MCCC2: variants seen among roughly 807,000 people sequenced by gnomAD.
The protein encoded by MCCC2 is methylcrotonoyl-CoA carboxylase beta chain, mitochondrial.
MCCC2 carries 52 observed loss-of-function variants against 77.2 expected under a neutral mutation model. The ratio of observed to expected loss-of-function variants is 0.67; its 90% CI spans 0.54 to 0.85. The LOEUF (loss-of-function observed/expected upper bound fraction) is 0.85. MCCC2 is among the 40% of genes least tolerant of loss of function. The pLI is 0.00. For missense variants in MCCC2, 682 were observed against 703.2 expected (o/e 0.97, Z 0.34); for synonymous variants, 253 against 248.4 (o/e 1.02, Z -0.18).
chr5:71,621,805 A>G (rs1017455973), intron 6 of MCCC2, among the ~76,000 whole-genome samples: 4 of 152,186 alleles, frequency 2.6e-5, no homozygotes, highest in Non-Finnish European at 5.9e-5. Flanking sequence ...AAAAAAAGAA[A>G]GAATGAGTAA....
At chr5:71,608,884 T>G (rs1745799776) in intron 6 of MCCC2, among the ~76,000 whole-genome samples, 1 of 152,210 alleles carries the variant, frequency 6.6e-6, no homozygotes, top group Non-Finnish European at 1.5e-5. Flanking sequence ...TTTAAGAATG[T>G]TGAATATTGG....
intron 6 of MCCC2, among the ~76,000 whole-genome samples, chr5:71,605,593 T>C (rs1745638709): frequency 6.6e-6 from 1 of 150,596 alleles, no homozygotes; most frequent in South Asian, 2.1e-4. Context: ...TTAGATCCCA[T>C]TTGTCAATTT....
chr5:71,610,224 C>A (rs1032867674), intron 6 of MCCC2, among the ~76,000 whole-genome samples: 2 of 152,218 alleles, frequency 1.3e-5, no homozygotes, highest in Non-Finnish European at 2.9e-5. Flanking sequence ...AGCGAGACTC[C>A]GTGGGCGTAG....
intron 10 of MCCC2, among the ~76,000 whole-genome samples, chr5:71,636,987 G>A (rs547562048): frequency 5.4e-4 from 82 of 151,914 alleles, no homozygotes; most frequent in Middle Eastern, 6.8e-3. Context: ...TAGGTGATCC[G>A]CCCACCTCAG....
At chr5:71,606,207 G>A (rs1745669933) in intron 6 of MCCC2, among the ~76,000 whole-genome samples, 2 of 150,306 alleles carry the variant, frequency 1.3e-5, no homozygotes, top group South Asian at 4.3e-4. Flanking sequence ...CTACCCATGA[G>A]CATGGAATGT....
At chr5:71,629,072 G>A (rs1328965679) in intron 7 of MCCC2, among the ~76,000 whole-genome samples, 1 of 152,076 alleles carries the variant, frequency 6.6e-6, no homozygotes. Flanking sequence ...CAGGCATGGT[G>A]GTGTGCACCT....
chr5:71,642,811 A>G (rs1488102004), intron 11 of MCCC2, among the ~76,000 whole-genome samples: 1 of 152,220 alleles, frequency 6.6e-6, no homozygotes, highest in Non-Finnish European at 1.5e-5. Context: ...TGGCCATCAA[A>G]TCAGGGTTTC....
chr5:71,626,559 T>G, intron 6 of MCCC2, 81 bp from the exon 7 acceptor site: 1 of 1,088,592 alleles, frequency 9.2e-7, no homozygotes, highest in African/African-American at 1.5e-5. Flanking sequence ...CACTGCAGTG[T>G]TTGTGGGATT....
intron 6 of MCCC2, among the ~76,000 whole-genome samples, chr5:71,621,819 C>T (rs1746358834): frequency 1.3e-5 from 2 of 151,868 alleles, no homozygotes; most frequent in Non-Finnish European, 1.5e-5. Flanking sequence ...TGAGTAAGAC[C>T]TATTATCTGA....
intron 6 of MCCC2, among the ~76,000 whole-genome samples, chr5:71,611,792 T>C (rs1490893251): frequency 6.6e-6 from 1 of 151,498 alleles, no homozygotes; most frequent in Admixed American, 6.6e-5. Context: ...CCTTTTTTTT[T>C]CTTTTTTTTT....
intron 6 of MCCC2, among the ~76,000 whole-genome samples, chr5:71,611,760 A>C (rs1207824421): frequency 6.6e-6 from 1 of 151,880 alleles, no homozygotes. Flanking sequence ...AGGCGCTTCA[A>C]CTATATCTCA....
intron 16 of MCCC2, among the ~76,000 whole-genome samples, chr5:71,654,140 A>G (rs1259283310): frequency 3.9e-5 from 6 of 152,006 alleles, no homozygotes; most frequent in African/African-American, 1.2e-4. Flanking sequence ...GACTACAGAC[A>G]TGTGCCACCA....
At chr5:71,652,894 C>T in intron 16 of MCCC2, 140 bp downstream of exon 16, 2 of 780,714 alleles carry the variant, frequency 2.6e-6, no homozygotes, top group East Asian at 2.7e-5. Flanking sequence ...TAATTTTGTA[C>T]TGTTGTTTCT....
At chr5:71,619,778 T>G (rs1402754075) in intron 6 of MCCC2, among the ~76,000 whole-genome samples, 1 of 151,956 alleles carries the variant, frequency 6.6e-6, no homozygotes, top group Non-Finnish European at 1.5e-5. Context: ...GATCACGAGG[T>G]CAGGAGATCG....
chr5:71,650,003 A>G, intron 14 of MCCC2, 66 bp from the exon 15 acceptor site: 1 of 1,249,498 alleles, frequency 8.0e-7, no homozygotes, highest in Non-Finnish European at 1.2e-6. Context: ...AAAGGCAAAC[A>G]TGGGCCTCTG....
At chr5:71,605,200 A>G (rs1745622242) in intron 6 of MCCC2, among the ~76,000 whole-genome samples, 1 of 145,068 alleles carries the variant, frequency 6.9e-6, no homozygotes, top group Admixed American at 7.1e-5. Flanking sequence ...TCCCACCAAC[A>G]GTGTAAAAGT....
intron 6 of MCCC2, among the ~76,000 whole-genome samples, chr5:71,620,582 A>T (rs979330351): frequency 1.3e-5 from 2 of 152,112 alleles, no homozygotes; most frequent in Admixed American, 6.5e-5. Context: ...GACCCTTTCC[A>T]TGGGGCAGGC....
chr5:71,646,410 G>C (rs1580329761), intron 13 of MCCC2, 133 bp downstream of exon 13: 1 of 768,654 alleles, frequency 1.3e-6, no homozygotes, highest in East Asian at 2.7e-5. Context: ...GCTCTTTCTG[G>C]AGGCCCTTTA....
chr5:71,587,368 G>A lies in MCCC2; in HGVS notation c.-58G>A. 24 of 1,521,848 alleles carry A rather than the reference G, an allele frequency of 1.6e-5. No homozygotes were observed. Among genetic ancestry groups the A allele is most frequent in the Non-Finnish European group, 2.1e-5 (24 of 1,140,470 alleles). 94.3% of individuals were successfully genotyped at this position (1,521,848 alleles called of 1,614,324 possible). ...TTCCGCCCCAGCCAGGGAAGCGGCA[G>A]GGGAAAGCACCGGCTCCAGGCCAGC... On this transcript the variant is annotated 5_prime_UTR_variant, in exon 1 of 17. Transcript: ENST00000340941.
Sources: gnomAD v4.1 joint callset for allele counts (sites outside exome capture counted in the v4.1 genomes callset) on GRCh38, gnomAD v4.1.1 for gene constraint, MANE v1.5 for transcripts, NCBI Gene and HGNC (gene_info 2026-07-23, HGNC 2026-07-21) for gene names.